The following C12orf54 variants were observed in gnomAD, a reference collection of about 807,000 sequenced individuals.
C12orf54 encodes the protein chromosome 12 open reading frame 54.
In C12orf54, 24 loss-of-function variants were observed where a neutral mutation model predicts 26.4. The observed-to-expected ratio is 0.91, with a 90% CI of 0.66 to 1.28. C12orf54 has a LOEUF of 1.28. C12orf54 is among the 50% of genes most tolerant of loss of function. The probability of loss-of-function intolerance (pLI) is 0.00; values close to 1 mark genes in which losing one functional copy is unlikely to be tolerated. For missense variants in C12orf54, 154 were observed against 150.9 expected (o/e 1.02, Z -0.11); for synonymous variants, 54 against 47.0 (o/e 1.15, Z -0.61).
intron 5 of C12orf54, chr12:48,489,378 C>T: frequency 3.3e-6 from 1 of 303,548 alleles, no homozygotes; most frequent in Non-Finnish European, 6.6e-6. Flanking sequence ...AAACCTCTTC[C>T]TCTGCTCTCC....
intron 4 of C12orf54, 110 bp downstream of exon 4, chr12:48,486,836 C>T (rs529761561): frequency 3.9e-5 from 43 of 1,114,952 alleles, no homozygotes; most frequent in Middle Eastern, 4.2e-4. Flanking sequence ...TGTTGATTGA[C>T]GGTGAAGGAT....
the C12orf54 span, among the ~76,000 whole-genome samples, chr12:48,432,609 C>T: frequency 6.6e-6 from 1 of 152,302 alleles, no homozygotes; most frequent in East Asian, 1.9e-4. Context: ...CTGGCTCATG[C>T]CTGTAATCCC....
chr12:48,486,647 G>C, intron 3 of C12orf54, 41 bp from the exon 4 acceptor site: 1 of 1,579,250 alleles, frequency 6.3e-7, no homozygotes, highest in African/African-American at 1.3e-5. Flanking sequence ...TTCTGGGAGA[G>C]TTGGGATATT....
the C12orf54 span, among the ~76,000 whole-genome samples, chr12:48,454,096 GTTTTTT>G: frequency 1.9e-3 from 178 of 94,272 alleles, no homozygotes; most frequent in African/African-American, 5.0e-3. Flanking sequence ...TTTTTTGTTT[GTTTTTT>G]TTTTTTTTTT....
the C12orf54 span, among the ~76,000 whole-genome samples, chr12:48,425,951 T>C: frequency 6.9e-6 from 1 of 144,564 alleles, no homozygotes; most frequent in Admixed American, 7.0e-5. Flanking sequence ...TTTTTGTAAA[T>C]TTGTTTAAGT....
At chr12:48,492,167 C>T (rs1372155694) in intron 6 of C12orf54, among the ~76,000 whole-genome samples, 1 of 152,128 alleles carries the variant, frequency 6.6e-6, no homozygotes, top group Non-Finnish European at 1.5e-5. Context: ...CCACTCTATG[C>T]TTTTTCAGCC....
chr12:48,419,281 G>T, the C12orf54 span, among the ~76,000 whole-genome samples: 1 of 152,138 alleles, frequency 6.6e-6, no homozygotes, highest in Non-Finnish European at 1.5e-5. Context: ...AGGTCATAAA[G>T]CCCTAGTTCT....
the C12orf54 span, among the ~76,000 whole-genome samples, chr12:48,435,451 T>C: frequency 2.0e-5 from 3 of 152,070 alleles, no homozygotes; most frequent in Non-Finnish European, 4.4e-5. Flanking sequence ...CTCCAAGACA[T>C]ATAATTGTCA....
chr12:48,465,441 AG>A, the C12orf54 span, among the ~76,000 whole-genome samples: 2 of 152,148 alleles, frequency 1.3e-5, no homozygotes, highest in African/African-American at 4.8e-5. Flanking sequence ...GTGGAGAAAA[AG>A]GAATGCTTAT....
the C12orf54 span, among the ~76,000 whole-genome samples, chr12:48,418,842 TTATAAAG>T: frequency 6.6e-6 from 1 of 152,102 alleles, no homozygotes; most frequent in Non-Finnish European, 1.5e-5. Flanking sequence ...GTTTTAAATT[TTATAAAG>T]TAGAGCCCAA....
At chr12:48,473,051 C>T in the C12orf54 span, 111 of 1,614,134 alleles carry the variant, frequency 6.9e-5, no homozygotes, top group African/African-American at 1.3e-3. Flanking sequence ...CCAACCTGAA[C>T]AACTACTGAG....
chr12:48,457,566 T>C, the C12orf54 span, among the ~76,000 whole-genome samples: 1 of 152,108 alleles, frequency 6.6e-6, no homozygotes, highest in Admixed American at 6.5e-5. Context: ...ACTCCTGACC[T>C]TGTGATCTGC....
chr12:48,430,398 C>CTA, the C12orf54 span, among the ~76,000 whole-genome samples: 1 of 152,202 alleles, frequency 6.6e-6, no homozygotes. Context: ...TCTTCATAAT[C>CTA]TATACATCTG....
At chr12:48,462,039 C>A in the C12orf54 span, among the ~76,000 whole-genome samples, 1 of 151,302 alleles carries the variant, frequency 6.6e-6, no homozygotes, top group South Asian at 2.1e-4. Context: ...ATGACATTTC[C>A]AGTGTCAAGA....
chr12:48,492,895 A>C, intron 6 of C12orf54, 52 bp from the exon 7 acceptor site: 2 of 1,506,274 alleles, frequency 1.3e-6, no homozygotes, highest in Non-Finnish European at 1.8e-6. Context: ...GCAGCTGGGG[A>C]GACATGTCCA....
the C12orf54 span, among the ~76,000 whole-genome samples, chr12:48,449,614 A>G: frequency 1.1e-4 from 17 of 152,314 alleles, no homozygotes; most frequent in East Asian, 3.3e-3. Context: ...CCATGTTAAG[A>G]AAGTTCCTTA....
intron 5 of C12orf54, 121 bp from the exon 6 acceptor site, chr12:48,490,691 A>G (rs915839542): frequency 8.9e-7 from 1 of 1,129,416 alleles, no homozygotes; most frequent in Non-Finnish European, 1.3e-6. Context: ...TTCCATGTCC[A>G]AGAAGCCCAT....
At chr12:48,454,032 A>C in the C12orf54 span, among the ~76,000 whole-genome samples, 5 of 151,312 alleles carry the variant, frequency 3.3e-5, no homozygotes, top group Admixed American at 3.3e-4. Flanking sequence ...AAAATAAATC[A>C]GGGGCTCTAA....
At chr12:48,485,046 G>A (rs1462741399) in intron 2 of C12orf54, among the ~76,000 whole-genome samples, 4 of 152,054 alleles carry the variant, frequency 2.6e-5, no homozygotes, top group African/African-American at 7.2e-5. Context: ...CTGGAAATCT[G>A]TAGGCTCAAT....
Sources: allele counts gnomAD v4.1 joint callset (sites outside exome capture counted in the v4.1 genomes callset), GRCh38; gene constraint gnomAD v4.1.1; transcripts MANE v1.5; gene names NCBI Gene and HGNC (gene_info 2026-07-23, HGNC 2026-07-21).